The following ERMAP variants were observed in gnomAD, a reference collection of about 807,000 sequenced individuals.
ERMAP encodes erythroblast membrane associated protein (Scianna blood group), also known as erythroid membrane-associated protein.
A neutral mutation model predicts 49.5 loss-of-function variants in ERMAP; 34 were observed. The ratio of observed to expected loss-of-function variants is 0.69; its 90% confidence interval spans 0.52 to 0.91. The LOEUF is 0.91. Ranked by LOEUF, ERMAP falls within the 40% of genes least tolerant of loss-of-function variation. The probability of loss-of-function intolerance (pLI) is 0.00; values close to 1 mark genes in which losing one functional copy is unlikely to be tolerated. For missense variants in ERMAP, 541 were observed against 582.6 expected (o/e 0.93, Z 0.74); for synonymous variants, 214 against 232.2 (o/e 0.92, Z 0.71).
chr1:42,818,723 A>T (rs1191369400), intron 1 of ERMAP, among the ~76,000 whole-genome samples: 1 of 152,206 alleles, frequency 6.6e-6, no homozygotes, highest in Non-Finnish European at 1.5e-5. Flanking sequence ...CTCCTGCCTC[A>T]GTCTCCCAGA....
At position 42,843,980 on chromosome 1, in the gene ERMAP, G is replaced by A; in HGVS notation, c.*748G>A. On this transcript the variant is annotated 3_prime_UTR_variant, in exon 12 of 12. Coordinates refer to ENST00000372517, the MANE Select transcript of ERMAP (RefSeq NM_001017922.2). ...ACAGTTGCAGAGAACTCAGCTGTAT[G>A]TTGCCCTCTGACCTTGGCCCAGACC... The A allele has an allele frequency of 5.0e-6, 2 of 397,550 alleles. No homozygotes were observed. The highest frequency in any genetic ancestry group is 8.9e-6 in the Non-Finnish European group (2 of 225,560). The allele number at this position is 397,550 out of a possible 1,614,324, so 24.6% of individuals were successfully genotyped here.
intron 1 of ERMAP, among the ~76,000 whole-genome samples, chr1:42,821,864 A>C (rs976418418): frequency 6.6e-6 from 1 of 151,966 alleles, no homozygotes; most frequent in Non-Finnish European, 1.5e-5. Flanking sequence ...ATTTTTAAAA[A>C]TAGCTGGGCT....
chr1:42,825,070 T>A (rs369515442), intron 1 of ERMAP, among the ~76,000 whole-genome samples: 3 of 152,314 alleles, frequency 2.0e-5, no homozygotes, highest in Admixed American at 6.5e-5. Flanking sequence ...CTTTATAAAG[T>A]TCAAAGGACA....
At chr1:42,826,054 G>C (rs530397104) in intron 2 of ERMAP, among the ~76,000 whole-genome samples, 1 of 152,270 alleles carries the variant, frequency 6.6e-6, no homozygotes, top group African/African-American at 2.4e-5. Context: ...GATTTGCAGG[G>C]TCATATTAAA....
At chr1:42,841,165 C>T (rs1655048333) in intron 11 of ERMAP, among the ~76,000 whole-genome samples, 1 of 152,162 alleles carries the variant, frequency 6.6e-6, no homozygotes, top group Admixed American at 6.6e-5. Context: ...CGAGAGAACT[C>T]CAGGTCACCT....
At chr1:42,824,757 A>C (rs1404761019) in intron 1 of ERMAP, 3 of 152,292 alleles carry the variant, frequency 2.0e-5, no homozygotes, top group African/African-American at 7.2e-5. Flanking sequence ...CTGAAGGTGC[A>C]AGCCTGGAGC....
intron 4 of ERMAP, among the ~76,000 whole-genome samples, chr1:42,831,551 T>C (rs115186448): frequency 0.011 from 1,386 of 127,344 alleles, 29 homozygotes; most frequent in African/African-American, 0.041. Context: ...AAGGGAGAGA[T>C]AGTGTTTTTT....
intron 6 of ERMAP, 169 bp from the exon 7 acceptor site, chr1:42,836,989 T>C: frequency 1.6e-6 from 1 of 621,318 alleles, no homozygotes; most frequent in South Asian, 2.1e-5. Flanking sequence ...TGGGAGACAA[T>C]TTGGGCTGCC....
In ERMAP at chr1:42,835,763, G is replaced by A; in HGVS notation, c.582G>A (p.Val194=). ...TTCTCTATGAACATGTGACGGAGGT[G>A]GGTAAGTGTTCTTGGCTGGGGGGCA... ...EKLLYEHVTE[V]DNLLSDHAKE... is the part of the protein sequence containing the mutation. Residue 194 remains valine, a splice_region_variant and synonymous_variant, in exon 6 of 12, where the codon GTG becomes GTA. Transcript: ENST00000372517. 2 of 1,609,418 alleles carry A rather than the reference G, an allele frequency of 1.2e-6. No individual in the cohort carries two copies. Among genetic ancestry groups the A allele is most frequent in the African/African-American group, 1.3e-5 (1 of 74,858 alleles).
intron 6 of ERMAP, 57 bp from the exon 7 acceptor site, chr1:42,837,101 C>A: frequency 6.3e-7 from 1 of 1,588,940 alleles, no homozygotes; most frequent in Non-Finnish European, 8.6e-7. Flanking sequence ...CAATAGGAAT[C>A]AGGGATCCTC....
intron 7 of ERMAP, among the ~76,000 whole-genome samples, chr1:42,837,452 C>A (rs1408595715): frequency 2.6e-5 from 4 of 152,048 alleles, no homozygotes; most frequent in African/African-American, 9.7e-5. Context: ...TTCCGCCAAC[C>A]ATTTTAAAAA....
At chr1:42,831,569 T>TCC (rs1553149738) in intron 4 of ERMAP, among the ~76,000 whole-genome samples, 2 of 94,694 alleles carry the variant, frequency 2.1e-5, no homozygotes, top group African/African-American at 8.5e-5. Context: ...TTTTTTTTTT[T>TCC]TTTCTCTTTT....
In ERMAP at chr1:42,819,837, G is replaced by T. The variant is rs1285010969; in HGVS notation, c.-122+2584G>T. On this transcript the variant is annotated intron_variant, in intron 1 of 11. Transcript: ENST00000372517. This position sits in a 1 kb window ranked among gnomAD's most constrained non-coding sequence, Gnocchi z 5.1. ...GCTCCAAACTCCTCTGCTTAGCCTTGCTTCACAGCTCTTGTCCTAGGATTA... is the reference window on the plus strand; with the variant it reads ...GCTCCAAACTCCTCTGCTTAGCCTTTCTTCACAGCTCTTGTCCTAGGATTA... Among the ~76,000 whole-genome samples the T allele has an allele frequency of 6.6e-6, 1 of 151,392 alleles. No homozygotes were observed. The highest frequency in any genetic ancestry group is 2.4e-5 in the African/African-American group (1 of 41,138).
At chr1:42,840,745 T>G (rs1041932548) in intron 11 of ERMAP, among the ~76,000 whole-genome samples, 4 of 152,356 alleles carry the variant, frequency 2.6e-5, no homozygotes, top group African/African-American at 9.6e-5. Context: ...AAGTGTTTTA[T>G]TTTTACGTAG....
chr1:42,830,265 T>C (rs985327885), intron 2 of ERMAP, 179 bp from the exon 3 acceptor site: 10 of 602,948 alleles, frequency 1.7e-5, no homozygotes, highest in African/African-American at 1.3e-4. Context: ...AGAAACACAG[T>C]CTCAGAGAAG....
At chr1:42,827,386 G>C (rs1450571094) in intron 2 of ERMAP, among the ~76,000 whole-genome samples, 1 of 152,076 alleles carries the variant, frequency 6.6e-6, no homozygotes, top group Non-Finnish European at 1.5e-5. Context: ...TGTTGCCCAG[G>C]CTGGTCTCAA....
intron 4 of ERMAP, among the ~76,000 whole-genome samples, chr1:42,831,606 T>C (rs778169571): frequency 4.9e-5 from 6 of 123,222 alleles, no homozygotes; most frequent in South Asian, 5.5e-4. Flanking sequence ...TGTTTTGAGA[T>C]AGGGCCTTGC....
chr1:42,823,337 T>C (rs1654450162), intron 1 of ERMAP, among the ~76,000 whole-genome samples: 1 of 152,244 alleles, frequency 6.6e-6, no homozygotes, highest in African/African-American at 2.4e-5. Context: ...ACAGATCTTC[T>C]AAATGTTGAC....
chr1:42,843,129 C>G lies in ERMAP; in HGVS notation c.1325C>G (p.Ser442Cys). 6.2e-7 allele frequency: 1 copy of G among 1,614,184 alleles called. No homozygotes were observed. Among genetic ancestry groups the G allele is most frequent in the Non-Finnish European group, 8.5e-7 (1 of 1,180,040 alleles). Residue 442 changes from serine (S) to cysteine (C), a missense_variant, in exon 12 of 12, where the codon TCT becomes TGT. Ser to Cys is a moderately radical substitution (Grantham distance 112). Coordinates refer to ENST00000372517, the MANE Select transcript of ERMAP (RefSeq NM_001017922.2). ...GGAGATGTGTCCCTCAAGGTGAACT[C>G]TTCTTTACTACCCCCGAAGGCCCCA... ...ANGDVSLKVN[S>C]SLLPPKAPEL...
Sources: allele counts gnomAD v4.1 joint callset (sites outside exome capture counted in the v4.1 genomes callset), GRCh38; gene constraint gnomAD v4.1.1; non-coding constraint Gnocchi (gnomAD v3.1); transcripts MANE v1.5; gene names NCBI Gene and HGNC (gene_info 2026-07-23, HGNC 2026-07-21).